The following MYO7B variants were observed in gnomAD, a reference collection of about 807,000 sequenced individuals.
The protein encoded by MYO7B is unconventional myosin-VIIb.
In MYO7B, 212 loss-of-function variants were observed where a neutral mutation model predicts 259.7. The observed-to-expected ratio is 0.82, with a 90% CI of 0.73 to 0.91. MYO7B has a LOEUF of 0.91. MYO7B is among the 40% of genes least tolerant of loss of function. The probability of loss-of-function intolerance (pLI) is 0.00; values close to 1 mark genes in which losing one functional copy is unlikely to be tolerated. For missense variants in MYO7B, 2,732 were observed against 2,813.5 expected (o/e 0.97, Z 0.66); for synonymous variants, 1,197 against 1,166.4 (o/e 1.03, Z -0.54).
rs1054730078 is a variant in MYO7B at position 127,586,589 on chromosome 2, G to C, written c.1690+1676G>C. 9.2e-5 allele frequency among the ~76,000 whole-genome samples: 14 copies of C among 152,292 alleles called. No individual in the cohort carries two copies. The highest frequency in any genetic ancestry group is 8.5e-4 in the Admixed American group (13 of 15,304). ...AAAAGGGAGAGGCTGGAGCCAGTCG[G>C]ACCTGCAGGGTCCTGGGACGCAAAG... On this transcript the variant is annotated intron_variant, in intron 14 of 47. Transcript: ENST00000409816. The surrounding 1 kb of genome is among the most constrained non-coding windows in gnomAD (Gnocchi z 4.8).
chr2:127,612,536 C>A lies in MYO7B; in HGVS notation c.3331C>A (p.Arg1111=). 1 of 1,588,112 alleles carries A rather than the reference C, an allele frequency of 6.3e-7. No individual in the cohort carries two copies. The highest frequency in any genetic ancestry group is 8.6e-7 in the Non-Finnish European group (1 of 1,167,310). The change falls in exon 26 of 48, where the codon CGG becomes AGG. Residue 1111 remains arginine, a synonymous_variant. Coordinates refer to ENST00000409816, the MANE Select transcript of MYO7B (RefSeq NM_001393586.1). ...GGAGCCTGATGGCCTTGGTGCAGAC[C>A]GGCCCATGTCCAACCTGGAGAAGGT... ...ALEPDGLGAD[R]PMSNLEKVHF...
At position 127,565,280 on chromosome 2, in the gene MYO7B, C is replaced by T; in HGVS notation, c.180C>T (p.His60=). Residue 60 remains histidine (H), a synonymous_variant, in exon 4 of 48, where the codon CAC becomes CAT. Transcript: ENST00000409816. ...ACTTTGGTGTCCTCAGTCCCATGCA[C>T]CCCAACTCAGTCCAGGGTGTGGACG... is the stretch of plus-strand genomic sequence containing the variant. ...AEDFGVLSPM[H]PNSVQGVDDM... is the part of the protein sequence containing the mutation. 1 of 1,614,014 alleles carries T rather than the reference C, an allele frequency of 6.2e-7. No individual in the cohort carries two copies. The highest frequency in any genetic ancestry group is 1.7e-5 in the Admixed American group (1 of 60,026).
At position 127,632,420 on chromosome 2, in the gene MYO7B, G is replaced by T; in HGVS notation, c.5405+19G>T. The T allele has an allele frequency of 6.6e-7, 1 of 1,515,308 alleles. No homozygotes were observed. The highest frequency in any genetic ancestry group is 8.8e-7 in the Non-Finnish European group (1 of 1,132,086). 93.9% of individuals were successfully genotyped at this position (1,515,308 alleles called of 1,614,324 possible). On this transcript the variant is annotated intron_variant, in intron 39 of 47. Transcript: ENST00000409816. ...TCCTGAGGTGAGCCCAGTGCCTCCA[G>T]CCCCCAGCATTGGCCCTGGGCCCGC...
In MYO7B at chr2:127,612,490, G is replaced by A; in HGVS notation, c.3285G>A (p.Leu1095=). ...SRITGQVASQ[L]NIGEEALEPD... is the part of the protein sequence containing the mutation. ...TGGGTTTCAAGGTGGCCAGCCAGCT[G>A]AACATTGGAGAGGAGGCATTGGAGC... The change falls in exon 26 of 48, where the codon CTG becomes CTA. Residue 1095 remains leucine, a synonymous_variant. Transcript: ENST00000409816. The A allele has an allele frequency of 6.4e-7, 1 of 1,555,556 alleles. No individual in the cohort carries two copies. Among genetic ancestry groups the A allele is most frequent in the Non-Finnish European group, 8.7e-7 (1 of 1,149,270 alleles).
At chr2:127,564,838 T>C (rs1323843874) in intron 3 of MYO7B, among the ~76,000 whole-genome samples, 1 of 152,242 alleles carries the variant, frequency 6.6e-6, no homozygotes, top group Admixed American at 6.5e-5. Flanking sequence ...ATATCTTCTA[T>C]TTGTGTGACA....
rs540337490 is a variant in MYO7B at position 127,593,720 on chromosome 2, G to T, written c.2244+76G>T. ...TTGTCAGCTCTTGCACCAGGCCCGGGGTCCATGGTCCATGTGCCCTGAGCC... is the reference window on the plus strand; with the variant it reads ...TTGTCAGCTCTTGCACCAGGCCCGGTGTCCATGGTCCATGTGCCCTGAGCC... On this transcript the variant is annotated intron_variant, in intron 18 of 47. Coordinates refer to ENST00000409816, the MANE Select transcript of MYO7B (RefSeq NM_001393586.1). 1,444 of 1,301,210 alleles carry T rather than the reference G, an allele frequency of 1.1e-3. 2 individuals carry two copies. The highest frequency in any genetic ancestry group is 1.3e-3 in the Non-Finnish European group (1,203 of 906,598). 80.6% of individuals were successfully genotyped at this position (1,301,210 alleles called of 1,614,324 possible).
intron 26 of MYO7B, among the ~76,000 whole-genome samples, chr2:127,616,005 A>G (rs567444737): frequency 4.7e-4 from 71 of 152,344 alleles, no homozygotes; most frequent in African/African-American, 1.7e-3. Context: ...TCGTTCCCAC[A>G]ATAGTAAATC....
intron 28 of MYO7B, among the ~76,000 whole-genome samples, chr2:127,622,526 T>C (rs190829140): frequency 3.6e-4 from 55 of 152,312 alleles, no homozygotes; most frequent in African/African-American, 1.3e-3. Context: ...GAATTCTCGC[T>C]GTTTTCTCAG....
In MYO7B at chr2:127,633,184, G is replaced by A. The variant is rs140003069; in HGVS notation, c.5406-74G>A. 330 of 1,172,396 alleles carry A rather than the reference G, an allele frequency of 2.8e-4. 1 individual carries two copies. In the East Asian group the frequency reaches 6.4e-3, roughly 23 times the overall value. 72.6% of individuals were successfully genotyped at this position (1,172,396 alleles called of 1,614,324 possible). On this transcript the variant is annotated intron_variant, in intron 39 of 47. Coordinates refer to ENST00000409816, the MANE Select transcript of MYO7B (RefSeq NM_001393586.1). Reference sequence around the variant, plus strand: ...TTTTGTTTCTGGCACATGGTTTAGGGCCCACATCGGGGCTGGGGCATGGGT... The same window carrying A: ...TTTTGTTTCTGGCACATGGTTTAGGACCCACATCGGGGCTGGGGCATGGGT...
Position 127,584,065 on chromosome 2 carries a change from G to A in MYO7B, c.1344-57G>A, listed in dbSNP as rs1204551231. ...GGTGATCCTATGGCTCCAGCCTGCT[G>A]CAGCGGGGACTCAGCTGGCCCCACT... On this transcript the variant is annotated intron_variant, in intron 12 of 47. Coordinates refer to ENST00000409816, the MANE Select transcript of MYO7B (RefSeq NM_001393586.1). The surrounding 1 kb of genome is among the most constrained non-coding windows in gnomAD (Gnocchi z 5.8). 3 of 1,509,694 alleles carry A rather than the reference G, an allele frequency of 2.0e-6. No individual in the cohort carries two copies. The highest frequency in any genetic ancestry group is 1.9e-5 in the Admixed American group (1 of 52,472). 93.5% of individuals were successfully genotyped at this position (1,509,694 alleles called of 1,614,324 possible).
chr2:127,606,978 C>A (rs1680174661), intron 20 of MYO7B, among the ~76,000 whole-genome samples: 1 of 152,266 alleles, frequency 6.6e-6, no homozygotes, highest in Non-Finnish European at 1.5e-5. Flanking sequence ...TGCTATTTCA[C>A]AAATGCTTAT....
At position 127,608,840 on chromosome 2, in the gene MYO7B, A is replaced by G. The variant is rs1680263448; in HGVS notation, c.2776A>G (p.Ile926Val). ...GGTGTTCGGCTTCCTCCCTGCCATG[A>G]TTGGGGGCCAGGAGGGCCAGGCCTC... ...EKVFGFLPAM[I>V]GGQEGQASPH... Residue 926 changes from isoleucine (I) to valine (V), a missense_variant, in exon 22 of 48, where the codon ATT (isoleucine) becomes GTT (valine). By Grantham distance (29) the Ile-to-Val change is conservative. Transcript: ENST00000409816. 1 of 1,613,408 alleles carries G rather than the reference A, an allele frequency of 6.2e-7. No individual in the cohort carries two copies.
In MYO7B at chr2:127,622,014, G is replaced by A. The variant is rs982058278; in HGVS notation, c.3558G>A (p.Ala1186=). 2.0e-5 allele frequency: 31 copies of A among 1,551,632 alleles called. No individual in the cohort carries two copies. In the African/African-American group the frequency reaches 3.1e-4, roughly 16 times the overall value. ...YLLNFIGQGP[A]TYGPFCAERL... ...TGAACTTCATCGGCCAAGGGCCGGC[G>A]ACCTACGGCCCCTTCTGTGCCGAGC... is the stretch of plus-strand genomic sequence containing the variant. The change falls in exon 28 of 48, where the codon GCG becomes GCA. Residue 1186 remains alanine, a synonymous_variant. Coordinates refer to ENST00000409816, the MANE Select transcript of MYO7B (RefSeq NM_001393586.1).
intron 7 of MYO7B, 30 bp downstream of exon 7, chr2:127,574,092 T>A (rs774779139): frequency 6.2e-7 from 1 of 1,612,732 alleles, no homozygotes; most frequent in South Asian, 1.1e-5. Context: ...AGGTCGGGAG[T>A]TGAGGGAATG....
At chr2:127,618,613 C>T (rs561656636) in intron 26 of MYO7B, among the ~76,000 whole-genome samples, 54 of 152,294 alleles carry the variant, frequency 3.5e-4, no homozygotes, top group African/African-American at 1.2e-3. Context: ...GCTGTTTGCT[C>T]ATATAGCCTC....
chr2:127,612,427 C>A (rs1436740158), intron 25 of MYO7B, 49 bp from the exon 26 acceptor site: 3 of 1,550,152 alleles, frequency 1.9e-6, no homozygotes, highest in South Asian at 2.4e-5. Flanking sequence ...TCCTACTTGG[C>A]AGATGGGGAG....
At position 127,621,994 on chromosome 2, in the gene MYO7B, T is replaced by C; in HGVS notation, c.3538T>C (p.Phe1180Leu). The change falls in exon 28 of 48, where the codon TTC becomes CTC. Residue 1180 changes from phenylalanine (F) to leucine (L), a missense_variant. By Grantham distance (22) the Phe-to-Leu change is conservative. This residue lies in a region of MYO7B where 1,906 missense variants were observed against 2,026.4 expected (regional missense o/e 0.94). Coordinates refer to ENST00000409816, the MANE Select transcript of MYO7B (RefSeq NM_001393586.1). ...CCTCACCCACCAGTATCTACTGAAC[T>C]TCATCGGCCAAGGGCCGGCGACCTA... ...SERFMKYLLNFIGQGPATYGP... is the reference protein window; with the variant it reads ...SERFMKYLLNLIGQGPATYGP... The C allele has an allele frequency of 1.3e-6, 2 of 1,551,792 alleles. No individual in the cohort carries two copies. The highest frequency in any genetic ancestry group is 1.2e-5 in the South Asian group (1 of 84,066).
chr2:127,612,148 C>T, intron 24 of MYO7B, 102 bp from the exon 25 acceptor site: 2 of 475,662 alleles, frequency 4.2e-6, no homozygotes, highest in South Asian at 3.1e-5. Context: ...CAGGAAATGG[C>T]TGGGTGAAAG....
At chr2:127,536,180 G>A (rs2104773678) in intron 1 of MYO7B, among the ~76,000 whole-genome samples, 1 of 152,278 alleles carries the variant, frequency 6.6e-6, no homozygotes, top group East Asian at 1.9e-4. Context: ...TGGAATCATG[G>A]GACATCATGG....
Sources: allele counts gnomAD v4.1 joint callset (sites outside exome capture counted in the v4.1 genomes callset), GRCh38; gene constraint gnomAD v4.1.1; regional missense constraint gnomAD v4.1.1; non-coding constraint Gnocchi (gnomAD v3.1); transcripts MANE v1.5; gene names NCBI Gene and HGNC (gene_info 2026-07-23, HGNC 2026-07-21).